The following ZNF131 variants were observed in gnomAD, a reference collection of about 807,000 sequenced individuals.
The protein encoded by ZNF131 is zinc finger protein 131.
A neutral mutation model predicts 60.0 loss-of-function variants in ZNF131; 7 were observed. That is an observed-to-expected ratio of 0.12 (90% CI 0.07 to 0.22). ZNF131 has a LOEUF of 0.22. ZNF131 is among the 10% of genes least tolerant of loss of function. The pLI is 1.00. For missense variants in ZNF131, 493 were observed against 740.9 expected (o/e 0.67, Z 3.88); for synonymous variants, 257 against 253.2 (o/e 1.01, Z -0.14).
At chr5:43,169,492 G>T (rs959356229) in intron 5 of ZNF131, among the ~76,000 whole-genome samples, 3 of 152,180 alleles carry the variant, frequency 2.0e-5, no homozygotes, top group East Asian at 1.9e-4. Flanking sequence ...GCTCAGGTAC[G>T]CATGCTTTTG....
At chr5:43,129,121 A>C (rs552813037) in intron 3 of ZNF131, among the ~76,000 whole-genome samples, 1 of 150,518 alleles carries the variant, frequency 6.6e-6, no homozygotes, top group Non-Finnish European at 1.5e-5. Context: ...TTTTTAGTAG[A>C]GATAGGGTTT....
chr5:43,169,418 TAAC>T (rs1459519683), intron 5 of ZNF131, among the ~76,000 whole-genome samples: 1 of 152,238 alleles, frequency 6.6e-6, no homozygotes, highest in Non-Finnish European at 1.5e-5. Flanking sequence ...TCTCTTGAAG[TAAC>T]TACTGCTATC....
intron 4 of ZNF131, among the ~76,000 whole-genome samples, chr5:43,151,131 C>T (rs1055762842): frequency 3.9e-5 from 6 of 152,164 alleles, no homozygotes; most frequent in Non-Finnish European, 8.8e-5. Flanking sequence ...ATAAACCTGG[C>T]CCCAGTGGCT....
chr5:43,150,754 G>A (rs898472088), intron 4 of ZNF131, among the ~76,000 whole-genome samples: 9 of 152,182 alleles, frequency 5.9e-5, no homozygotes, highest in African/African-American at 2.2e-4. Flanking sequence ...TCTGGCTTGG[G>A]CAACAAGAGT....
At chr5:43,129,311 A>G (rs112355674) in intron 3 of ZNF131, among the ~76,000 whole-genome samples, 38 of 152,248 alleles carry the variant, frequency 2.5e-4, no homozygotes, top group Non-Finnish European at 3.8e-4. Flanking sequence ...GCCTTAAGCA[A>G]TGCTCCTGCC....
chr5:43,123,100 A>G (rs1744080198), intron 2 of ZNF131, 109 bp from the exon 3 acceptor site: 7 of 741,492 alleles, frequency 9.4e-6, no homozygotes, highest in Non-Finnish European at 8.6e-6. Flanking sequence ...TAGTTACGTA[A>G]TGAAGGAAGA....
At position 43,135,840 on chromosome 5, in the gene ZNF131, A is replaced by G. The variant is rs146508261; in HGVS notation, c.227-3325A>G. On this transcript the variant is annotated intron_variant, in intron 3 of 6. Transcript: ENST00000682664. ...AATTTGAAAATCTGAACTGCTTGCC[A>G]GGTGCAGTGGCTCACGCCTATAGTC... Among the ~76,000 whole-genome samples the G allele has an allele frequency of 7.2e-3, 1,071 of 149,374 alleles. 9 individuals carry two copies. Among genetic ancestry groups the G allele is most frequent in the Middle Eastern group, 0.012 (3 of 256 alleles).
chr5:43,136,864 A>G (rs1302972467), intron 3 of ZNF131, among the ~76,000 whole-genome samples: 3 of 151,936 alleles, frequency 2.0e-5, no homozygotes, highest in Non-Finnish European at 2.9e-5. Context: ...TTAAAGAGAC[A>G]TACAGACCAA....
intron 4 of ZNF131, among the ~76,000 whole-genome samples, chr5:43,143,822 C>T (rs533176801): frequency 1.1e-4 from 16 of 143,762 alleles, no homozygotes; most frequent in East Asian, 6.2e-4. Flanking sequence ...ATGAGAGTTG[C>T]TAAGGTCTTT....
chr5:43,151,545 C>T (rs1748316461), intron 4 of ZNF131, among the ~76,000 whole-genome samples: 2 of 152,170 alleles, frequency 1.3e-5, no homozygotes, highest in South Asian at 4.1e-4. Context: ...AGCAATACTC[C>T]TGCCTCAGCC....
At position 43,165,172 on chromosome 5, in the gene ZNF131, T is replaced by C. The variant is rs538025487; in HGVS notation, c.1054+3241T>C. On this transcript the variant is annotated intron_variant, in intron 5 of 6. Transcript: ENST00000682664. Reference sequence around the variant, plus strand: ...CACCACGTTGCCTAGGCTTGGAACATAGGCATGAGCCACCATGCTTGGCCC... The same window carrying C: ...CACCACGTTGCCTAGGCTTGGAACACAGGCATGAGCCACCATGCTTGGCCC... Among the ~76,000 whole-genome samples, 7 of 151,796 alleles carry C rather than the reference T, an allele frequency of 4.6e-5. No homozygotes were observed. The East Asian group carries it at 1.4e-3, about 29-fold the overall frequency.
At chr5:43,144,509 C>T (rs1415234569) in intron 4 of ZNF131, among the ~76,000 whole-genome samples, 1 of 152,162 alleles carries the variant, frequency 6.6e-6, no homozygotes, top group Non-Finnish European at 1.5e-5. Flanking sequence ...GGATGACAGG[C>T]ATGAGCCATC....
At chr5:43,162,969 C>CT (rs1205635519) in intron 5 of ZNF131, among the ~76,000 whole-genome samples, 1,869 of 64,880 alleles carry the variant, frequency 0.029, 160 homozygotes, top group Non-Finnish European at 0.042. Flanking sequence ...TTTTATTTGC[C>CT]TTTTTTTTTT....
intron 4 of ZNF131, 49 bp from the exon 5 acceptor site, chr5:43,161,200 G>A: frequency 6.7e-7 from 1 of 1,493,322 alleles, no homozygotes; most frequent in South Asian, 1.3e-5. Context: ...AAAAAAGCCT[G>A]GTAGGATCTT....
intron 4 of ZNF131, among the ~76,000 whole-genome samples, chr5:43,147,486 C>T (rs1256134375): frequency 3.3e-5 from 5 of 151,466 alleles, no homozygotes; most frequent in South Asian, 2.1e-4. Flanking sequence ...GGCGTGATCT[C>T]GGCTCACTGC....
intron 4 of ZNF131, among the ~76,000 whole-genome samples, chr5:43,140,440 G>A (rs2112263525): frequency 6.6e-6 from 1 of 152,244 alleles, no homozygotes. Context: ...AGTAATAACG[G>A]TACTTTCTAC....
rs929633836 is a variant in ZNF131, at chr5:43,170,881, C to T, written c.1055-2437C>T. On this transcript the variant is annotated intron_variant, in intron 5 of 6. Transcript: ENST00000682664. ...CGAACTCCTGACCTTATGATCCACC[C>T]GACTCAGTCTCCCAAAGTGCTGGGA... Among the ~76,000 whole-genome samples the T allele has an allele frequency of 3.3e-5, 5 of 151,570 alleles. No homozygotes were observed. The South Asian group carries it at 6.3e-4, about 19-fold the overall frequency.
At chr5:43,121,960 T>G (rs2112080065) in intron 1 of ZNF131, 79 bp from the exon 2 acceptor site, 4 of 1,438,048 alleles carry the variant, frequency 2.8e-6, no homozygotes, top group African/African-American at 1.5e-5. Flanking sequence ...TGGTTTTTTT[T>G]GTTGTTGTTT....
In ZNF131 at chr5:43,175,092, G is replaced by C. The variant is rs782983; in HGVS notation, c.1831G>C (p.Ala611Pro). ...KPTVDSEAEK[A>P]ENEDRTALPV... ...AACAGTGGATTCTGAAGCAGAAAAG[G>C]CAGAGAATGAGGACAGAACAGCTCT... The change falls in exon 7 of 7, where the codon GCA becomes CCA. Residue 611 changes from alanine to proline, a missense_variant. By Grantham distance (27) the Ala-to-Pro change is conservative. This residue lies in a region of ZNF131 where 202 missense variants were observed against 221.3 expected (regional missense o/e 0.91). Coordinates refer to ENST00000682664, the MANE Select transcript of ZNF131 (RefSeq NM_001330707.2). 698 of 1,614,130 alleles carry C rather than the reference G, an allele frequency of 4.3e-4. 5 individuals carry two copies. The African/African-American group carries it at 8.4e-3, about 20-fold the overall frequency.
Sources: gnomAD v4.1 joint callset for allele counts (sites outside exome capture counted in the v4.1 genomes callset) on GRCh38, gnomAD v4.1.1 for gene constraint, gnomAD v4.1.1 regional missense constraint, MANE v1.5 for transcripts, NCBI Gene and HGNC (gene_info 2026-07-23, HGNC 2026-07-21) for gene names.